DOCK3: variants seen among roughly 807,000 people sequenced by gnomAD.
The protein encoded by DOCK3 is dedicator of cytokinesis 3.
A neutral mutation model predicts 265.6 loss-of-function variants in DOCK3; 60 were observed. That is an observed-to-expected ratio of 0.23 (90% CI 0.18 to 0.28). The LOEUF (loss-of-function observed/expected upper bound fraction) is 0.28, where lower values mean the gene tolerates loss of function less well. DOCK3 is among the 10% of genes least tolerant of loss of function. DOCK3 has a pLI of 1.00. For synonymous variants in DOCK3, 881 were observed against 938.0 expected (o/e 0.94, Z 1.11); for missense variants, 1,981 against 2,594.3 (o/e 0.76, Z 5.14).
intron 21 of DOCK3, among the ~76,000 whole-genome samples, chr3:51,240,911 G>A (rs966906663): frequency 6.6e-6 from 1 of 152,086 alleles, no homozygotes; most frequent in Non-Finnish European, 1.5e-5. Flanking sequence ...TTTTAATTGG[G>A]AAATTTTATC....
At chr3:50,935,630 A>G (rs888857325) in intron 5 of DOCK3, among the ~76,000 whole-genome samples, 1 of 152,202 alleles carries the variant, frequency 6.6e-6, no homozygotes, top group African/African-American at 2.4e-5. Context: ...GGTGAGGCAG[A>G]CCCTGTGGGA....
intron 2 of DOCK3, among the ~76,000 whole-genome samples, chr3:50,817,792 CT>C (rs1179033446): frequency 6.6e-6 from 1 of 151,858 alleles, no homozygotes; most frequent in Non-Finnish European, 1.5e-5. Context: ...GTGCTAAAGG[CT>C]TTGTTTAAAT....
chr3:51,189,940 C>T (rs1576359605), intron 12 of DOCK3, among the ~76,000 whole-genome samples: 3 of 152,290 alleles, frequency 2.0e-5, no homozygotes, highest in Admixed American at 2.0e-4. Context: ...ACACCGAGCT[C>T]ACATGGGAGA....
chr3:50,694,284 AAAAAAT>A (rs1368204828), intron 1 of DOCK3, among the ~76,000 whole-genome samples: 2 of 152,142 alleles, frequency 1.3e-5, no homozygotes, highest in East Asian at 3.9e-4. Context: ...AAAACTAAAA[AAAAAAT>A]AAAAATAAAA....
chr3:50,696,731 A>G lies in DOCK3; in HGVS notation c.37+21431A>G, dbSNP rs115584694. Among the ~76,000 whole-genome samples, 317 of 152,270 alleles carry G rather than the reference A, an allele frequency of 2.1e-3. 1 individual carries two copies. The highest frequency in any genetic ancestry group is 7.4e-3 in the African/African-American group (306 of 41,550). ...CCATTTTGAAGATCTGTTAAGTGCT[A>G]TGGGAAACCCGCATATGCACAAGTA... On this transcript the variant is annotated intron_variant, in intron 1 of 52. Transcript: ENST00000266037.
chr3:51,381,381 C>T lies in DOCK3; in HGVS notation c.5915C>T (p.Ala1972Val), dbSNP rs112258774. The stretch of plus-strand genomic sequence containing the variant: ...CCTCAGGACCCCATGGACCCGCCTG[C>T]GCTGCCGCCCAAGCCCTACCACCCC... Reference protein sequence around the residue: ...VIPQDPMDPPALPPKPYHPRL... With the variant: ...VIPQDPMDPPVLPPKPYHPRL... The change falls in exon 53 of 53, where the codon GCG becomes GTG. Residue 1972 changes from alanine to valine, a missense_variant. Ala to Val is a moderately conservative substitution (Grantham distance 64, BLOSUM62 0). Around this residue, in one of 4 missense-constraint regions of DOCK3, gnomAD observed 149 missense variants for 144.7 expected, o/e 1.03. Coordinates refer to ENST00000266037, the MANE Select transcript of DOCK3 (RefSeq NM_004947.5). The surrounding 1 kb of genome is among the most constrained non-coding windows in gnomAD (Gnocchi z 5.6). 8 of 1,612,714 alleles carry T rather than the reference C, an allele frequency of 5.0e-6. No homozygotes were observed. The highest frequency in any genetic ancestry group is 6.8e-6 in the Non-Finnish European group (8 of 1,179,812).
intron 12 of DOCK3, among the ~76,000 whole-genome samples, chr3:51,164,623 CA>C (rs11399207): frequency 3.9e-4 from 42 of 106,410 alleles, no homozygotes; most frequent in South Asian, 1.0e-3. Context: ...GACTCCGTCT[CA>C]AAAAAAAAAA....
intron 12 of DOCK3, among the ~76,000 whole-genome samples, chr3:51,205,348 A>G (rs1387834456): frequency 2.6e-5 from 4 of 152,106 alleles, no homozygotes; most frequent in Admixed American, 6.6e-5. Context: ...ATAGAGAGGC[A>G]TGAAATGATG....
intron 9 of DOCK3, among the ~76,000 whole-genome samples, chr3:51,107,451 G>A (rs978888836): frequency 6.6e-6 from 1 of 152,138 alleles, no homozygotes; most frequent in African/African-American, 2.4e-5. Context: ...ATCTAAGGAA[G>A]CTAAGAATCA....
intron 5 of DOCK3, among the ~76,000 whole-genome samples, chr3:50,950,644 G>A (rs763873854): frequency 6.6e-6 from 1 of 151,870 alleles, no homozygotes; most frequent in South Asian, 2.1e-4. Flanking sequence ...CTAATTCTAG[G>A]AGAGTACCTA....
chr3:50,989,855 A>G (rs80119663), intron 5 of DOCK3, among the ~76,000 whole-genome samples: 2 of 152,284 alleles, frequency 1.3e-5, no homozygotes, highest in East Asian at 3.9e-4. Flanking sequence ...AACAAAGATA[A>G]TTGAGAGTCA....
At chr3:51,256,750 C>G (rs941771120) in intron 22 of DOCK3, among the ~76,000 whole-genome samples, 2 of 151,870 alleles carry the variant, frequency 1.3e-5, no homozygotes, top group African/African-American at 4.8e-5. Flanking sequence ...TATGCCACCA[C>G]AGCTGGCTAA....
At chr3:51,004,266 A>G (rs963096363) in intron 5 of DOCK3, among the ~76,000 whole-genome samples, 8 of 152,142 alleles carry the variant, frequency 5.3e-5, no homozygotes, top group African/African-American at 1.7e-4. Context: ...TTGTGAGGCA[A>G]GCTATGGAGA....
intron 2 of DOCK3, among the ~76,000 whole-genome samples, chr3:50,838,853 A>G (rs892167533): frequency 6.6e-6 from 1 of 152,180 alleles, no homozygotes; most frequent in Non-Finnish European, 1.5e-5. Context: ...ACTGTCTTCA[A>G]TTCTTCTTAG....
intron 4 of DOCK3, among the ~76,000 whole-genome samples, chr3:50,900,373 C>G (rs2049122802): frequency 6.6e-6 from 1 of 152,064 alleles, no homozygotes; most frequent in Non-Finnish European, 1.5e-5. Context: ...GTTAGCAATT[C>G]TTCTAACCTT....
intron 3 of DOCK3, among the ~76,000 whole-genome samples, chr3:50,864,238 C>A (rs2047040942): frequency 1.3e-5 from 2 of 152,002 alleles, no homozygotes; most frequent in African/African-American, 4.8e-5. Context: ...ATACCTGTTG[C>A]CATTTGTACA....
At chr3:50,732,465 G>A (rs548962563) in intron 1 of DOCK3, among the ~76,000 whole-genome samples, 1 of 150,978 alleles carries the variant, frequency 6.6e-6, no homozygotes, top group African/African-American at 2.4e-5. Flanking sequence ...GTGCAGTGGC[G>A]TGATACGTAG....
At chr3:51,199,707 T>G (rs1433805018) in intron 12 of DOCK3, among the ~76,000 whole-genome samples, 1 of 152,218 alleles carries the variant, frequency 6.6e-6, no homozygotes, top group African/African-American at 2.4e-5. Context: ...AGCACGCAGC[T>G]GGAGATCTGA....
chr3:51,310,412 A>C (rs1228703068), intron 28 of DOCK3, 86 bp downstream of exon 28: 1 of 1,244,940 alleles, frequency 8.0e-7, no homozygotes, highest in East Asian at 2.5e-5. Context: ...GGAGCACATG[A>C]GCAAGACAAA....
Sources: gnomAD v4.1 joint callset for allele counts (sites outside exome capture counted in the v4.1 genomes callset) on GRCh38, gnomAD v4.1.1 for gene constraint, gnomAD v4.1.1 regional missense constraint, Gnocchi (gnomAD v3.1) non-coding constraint, MANE v1.5 for transcripts, NCBI Gene and HGNC (gene_info 2026-07-23, HGNC 2026-07-21) for gene names.